MBOAT1: variants seen among roughly 807,000 people sequenced by gnomAD.
The protein encoded by MBOAT1 is membrane bound glycerophospholipid O-acyltransferase 1.
MBOAT1 carries 67 observed loss-of-function variants against 64.4 expected under a neutral mutation model. The ratio of observed to expected loss-of-function variants is 1.04; its 90% CI spans 0.85 to 1.27. MBOAT1 has a LOEUF of 1.27. MBOAT1 is among the 50% of genes most tolerant of loss of function. The pLI is 0.00. For synonymous variants in MBOAT1, 229 were observed against 218.9 expected, an observed-to-expected ratio of 1.05 and a Z score of -0.41; for missense variants, 563 against 604.6, an observed-to-expected ratio of 0.93 and a Z score of 0.72.
chr6:20,179,182 T>C (rs958921914), intron 1 of MBOAT1, among the ~76,000 whole-genome samples: 3 of 151,744 alleles, frequency 2.0e-5, no homozygotes, highest in Admixed American at 2.0e-4. Flanking sequence ...ACCCTCAATG[T>C]GCTACTGAGA....
chr6:20,175,077 G>A (rs1206075704), intron 1 of MBOAT1, among the ~76,000 whole-genome samples: 1 of 152,080 alleles, frequency 6.6e-6, no homozygotes, highest in Non-Finnish European at 1.5e-5. Flanking sequence ...CTGCAAGCAA[G>A]CAAAGGAAAC....
At chr6:20,197,041 T>C (rs1255663256) in intron 1 of MBOAT1, among the ~76,000 whole-genome samples, 1 of 152,140 alleles carries the variant, frequency 6.6e-6, no homozygotes, top group Non-Finnish European at 1.5e-5. Flanking sequence ...TTGACAAATA[T>C]ACCATAGTTA....
chr6:20,152,342 AAAAT>A (rs1186886580), intron 2 of MBOAT1, among the ~76,000 whole-genome samples: 836 of 38,870 alleles, frequency 0.022, 5 homozygotes, highest in African/African-American at 0.041. Context: ...AAAAAAATAA[AAAAT>A]AAATAAATAA....
At chr6:20,123,917 G>C (rs960315450) in intron 8 of MBOAT1, among the ~76,000 whole-genome samples, 1 of 152,110 alleles carries the variant, frequency 6.6e-6, no homozygotes, top group Admixed American at 6.5e-5. Flanking sequence ...AATTAGCTGG[G>C]TGTGGTGGCG....
intron 11 of MBOAT1, among the ~76,000 whole-genome samples, chr6:20,110,069 C>T (rs760780386): frequency 4.0e-5 from 6 of 151,700 alleles, no homozygotes; most frequent in Non-Finnish European, 7.4e-5. Flanking sequence ...GCCTCTATGC[C>T]CTGCTAATTT....
At chr6:20,211,980 A>ACACG (rs1054093738) in intron 1 of MBOAT1, 156 bp downstream of exon 1, 3 of 579,304 alleles carry the variant, frequency 5.2e-6, no homozygotes, top group Non-Finnish European at 8.9e-6. Context: ...ACACACACAC[A>ACACG]CACACACACA....
At chr6:20,122,598 G>T (rs1760525268) in intron 8 of MBOAT1, among the ~76,000 whole-genome samples, 1 of 152,148 alleles carries the variant, frequency 6.6e-6, no homozygotes, top group Non-Finnish European at 1.5e-5. Flanking sequence ...TACAGCATTG[G>T]ACTGAACTTA....
chr6:20,193,087 G>A (rs1032710196), intron 1 of MBOAT1, among the ~76,000 whole-genome samples: 2 of 135,562 alleles, frequency 1.5e-5, no homozygotes, highest in African/African-American at 2.8e-5. Context: ...CTCACTGCAA[G>A]CTCCGTCTCC....
chr6:20,147,032 G>A (rs1002545129), intron 3 of MBOAT1, among the ~76,000 whole-genome samples: 2 of 152,158 alleles, frequency 1.3e-5, no homozygotes, highest in African/African-American at 4.8e-5. Context: ...GTGATAGTGA[G>A]TAAGTCCCAC....
chr6:20,149,100 C>CAA (rs60045654), intron 3 of MBOAT1, among the ~76,000 whole-genome samples: 26 of 91,724 alleles, frequency 2.8e-4, no homozygotes, highest in Non-Finnish European at 4.5e-4. Flanking sequence ...GACTCTGTCT[C>CAA]AAAAAAAAAA....
chr6:20,196,882 C>G (rs72826629), intron 1 of MBOAT1, among the ~76,000 whole-genome samples: 5,078 of 146,088 alleles, frequency 0.035, 105 homozygotes, highest in Middle Eastern at 0.059. Flanking sequence ...AACAAACAAA[C>G]AAAAAAAAAA....
chr6:20,140,129 C>G (rs576936520), intron 4 of MBOAT1, among the ~76,000 whole-genome samples: 25 of 152,310 alleles, frequency 1.6e-4, no homozygotes, highest in African/African-American at 5.3e-4. Context: ...AGTAAAGATG[C>G]TTGCAAAGCC....
intron 4 of MBOAT1, among the ~76,000 whole-genome samples, chr6:20,139,865 A>G (rs868117140): frequency 6.6e-6 from 1 of 152,112 alleles, no homozygotes; most frequent in African/African-American, 2.4e-5. Flanking sequence ...TTAACTTTCT[A>G]TACAAACTTA....
intron 1 of MBOAT1, among the ~76,000 whole-genome samples, chr6:20,191,894 G>C (rs1178735655): frequency 1.3e-5 from 2 of 151,914 alleles, no homozygotes; most frequent in Non-Finnish European, 1.5e-5. Context: ...AACAAATAAG[G>C]GTACCTATGG....
chr6:20,168,847 G>C (rs1762111974), intron 1 of MBOAT1, among the ~76,000 whole-genome samples: 1 of 138,894 alleles, frequency 7.2e-6, no homozygotes, highest in African/African-American at 2.6e-5. Flanking sequence ...AGAGGAGAGG[G>C]GAGTGTATTT....
In MBOAT1 at chr6:20,108,675, G is replaced by A. The variant is rs966566639; in HGVS notation, c.1361+923C>T. ...TAAGTAACTATTTAAAAAATGATAC[G>A]ATGTTCCAAAGTTAACCTAGAAAAG... On this transcript the variant is annotated intron_variant, in intron 12 of 12. Coordinates refer to ENST00000324607, the MANE Select transcript of MBOAT1 (RefSeq NM_001080480.3). Among the ~76,000 whole-genome samples, 2 of 152,148 alleles carry A rather than the reference G, an allele frequency of 1.3e-5. 1 individual carries two copies. Among genetic ancestry groups the A allele is most frequent in the Admixed American group, 1.3e-4 (2 of 15,278 alleles).
intron 4 of MBOAT1, among the ~76,000 whole-genome samples, chr6:20,137,329 A>G (rs1281175343): frequency 6.6e-6 from 1 of 152,190 alleles, no homozygotes; most frequent in Admixed American, 6.5e-5. Flanking sequence ...GCAAAAGGAA[A>G]TAAGAGTTCT....
At chr6:20,183,679 T>C (rs558744723) in intron 1 of MBOAT1, among the ~76,000 whole-genome samples, 1 of 152,346 alleles carries the variant, frequency 6.6e-6, no homozygotes, top group South Asian at 2.1e-4. Flanking sequence ...CCCAGAACAG[T>C]TGTGACTGCA....
intron 2 of MBOAT1, among the ~76,000 whole-genome samples, 195 bp from the exon 3 acceptor site, chr6:20,151,457 A>G (rs1761491180): frequency 6.6e-6 from 1 of 152,246 alleles, no homozygotes; most frequent in Non-Finnish European, 1.5e-5. Context: ...TATCATAACG[A>G]CACAGTTTGC....
Sources: gnomAD v4.1 joint callset for allele counts (sites outside exome capture counted in the v4.1 genomes callset) on GRCh38, gnomAD v4.1.1 for gene constraint, MANE v1.5 for transcripts, NCBI Gene and HGNC (gene_info 2026-07-23, HGNC 2026-07-21) for gene names.